Variants in HDAC5 observed in about 807,000 individuals in gnomAD.
The protein encoded by HDAC5 is histone deacetylase 5, also known as antigen NY-CO-9.
In HDAC5, 25 loss-of-function variants were observed where a neutral mutation model predicts 133.3. That is an observed-to-expected ratio of 0.19 (90% CI 0.14 to 0.26). The LOEUF (loss-of-function observed/expected upper bound fraction) is 0.26, where lower values mean the gene tolerates loss of function less well. Ranked by LOEUF, HDAC5 falls within the 10% of genes least tolerant of loss-of-function variation. The pLI is 1.00. For missense variants in HDAC5, 1,041 were observed against 1,460.5 expected, an observed-to-expected ratio of 0.71 and a Z score of 4.68; for synonymous variants, 589 against 610.8, an observed-to-expected ratio of 0.96 and a Z score of 0.53.
chr17:44,114,577 C>T (rs1041037572), intron 2 of HDAC5, among the ~76,000 whole-genome samples: 1 of 152,248 alleles, frequency 6.6e-6, no homozygotes, highest in Non-Finnish European at 1.5e-5. Context: ...TGGCCGCCTC[C>T]TCCATGGCCC....
At position 44,088,615 on chromosome 17, in the gene HDAC5, G is replaced by A. The variant is rs1475114707; in HGVS notation, c.1388-17C>T. ...GGAGTGGCACTACGGAGTTGGGGGT[G>A]ATGACTAAGCACCATTGTCAGGGCA... is the stretch of plus-strand genomic sequence containing the variant. On this transcript the variant is annotated splice_polypyrimidine_tract_variant and intron_variant, in intron 11 of 26. Transcript: ENST00000682912. The A allele has an allele frequency of 6.2e-7, 1 of 1,605,732 alleles. No individual in the cohort carries two copies. The highest frequency in any genetic ancestry group is 8.5e-7 in the Non-Finnish European group (1 of 1,174,480).
intron 12 of HDAC5, among the ~76,000 whole-genome samples, chr17:44,087,978 G>A (rs116959535): frequency 0.011 from 1,680 of 152,210 alleles, 15 homozygotes; most frequent in South Asian, 0.019. Flanking sequence ...CCAGTGACTG[G>A]GGTTACAGGC....
chr17:44,105,914 G>GAGTTTAAATC (rs2051906940), intron 3 of HDAC5, among the ~76,000 whole-genome samples: 2 of 152,222 alleles, frequency 1.3e-5, no homozygotes, highest in South Asian at 4.1e-4. Context: ...CCTGAGACAT[G>GAGTTTAAATC]AGTTTAAATC....
At chr17:44,105,796 C>T (rs578076810) in intron 3 of HDAC5, among the ~76,000 whole-genome samples, 2 of 152,306 alleles carry the variant, frequency 1.3e-5, no homozygotes, top group African/African-American at 4.8e-5. Flanking sequence ...CCCACTAAGG[C>T]CTTCCAGGGA....
chr17:44,102,283 T>C (rs758889472), intron 3 of HDAC5, among the ~76,000 whole-genome samples: 2 of 152,252 alleles, frequency 1.3e-5, no homozygotes, highest in Non-Finnish European at 2.9e-5. Flanking sequence ...GAAGCTTTTA[T>C]GTGGATTAGC....
rs1288191741 is a variant in HDAC5 at position 44,093,308 on chromosome 17, C to A, written c.526+6G>T. On this transcript the variant is annotated splice_donor_region_variant and intron_variant, in intron 5 of 26. Coordinates refer to ENST00000682912, the MANE Select transcript of HDAC5 (RefSeq NM_005474.5). ...CCCTACGAGGTCCCAGGAGGCCCTG[C>A]CTTACTCTCTTTGCTCTTCTCCTTG... The A allele has an allele frequency of 1.9e-6, 3 of 1,588,138 alleles. No homozygotes were observed. Among genetic ancestry groups the A allele is most frequent in the Non-Finnish European group, 2.6e-6 (3 of 1,166,396 alleles).
Position 44,117,505 on chromosome 17 carries a change from G to A in HDAC5, c.11C>T (p.Pro4Leu). 1 of 1,614,050 alleles carries A rather than the reference G, an allele frequency of 6.2e-7. No homozygotes were observed. The highest frequency in any genetic ancestry group is 8.5e-7 in the Non-Finnish European group (1 of 1,180,016). MNS[P>L]NESDGMSGRE... is the part of the protein sequence containing the mutation. ...CTCCCAGCTCTTACCCGACTCGTTG[G>A]GAGAGTTCATGCCGGCTCTGGGCCT... is the stretch of plus-strand genomic sequence containing the variant. The change falls in exon 2 of 27, where the codon CCC becomes CTC. Residue 4 changes from proline (P) to leucine (L), a missense_variant. Pro to Leu is a moderately conservative substitution (Grantham distance 98, BLOSUM62 -3). This residue lies in a region of HDAC5 where 93 missense variants were observed against 98.8 expected (regional missense o/e 0.94). Coordinates refer to ENST00000682912, the MANE Select transcript of HDAC5 (RefSeq NM_005474.5). The surrounding 1 kb of genome is among the most constrained non-coding windows in gnomAD (Gnocchi z 4.2).
chr17:44,112,374 C>T (rs939757958), intron 2 of HDAC5, among the ~76,000 whole-genome samples: 2 of 152,162 alleles, frequency 1.3e-5, no homozygotes, highest in Non-Finnish European at 2.9e-5. Flanking sequence ...TGCCCCTGCT[C>T]CTCAGGTTGT....
intron 11 of HDAC5, 74 bp from the exon 12 acceptor site, chr17:44,088,672 GC>G (rs2143195681): frequency 1.3e-6 from 2 of 1,540,568 alleles, no homozygotes; most frequent in Non-Finnish European, 8.8e-7. Flanking sequence ...CCTGCATCTT[GC>G]CCCCACAACC....
chr17:44,095,947 CA>C (rs1407588765), intron 3 of HDAC5, among the ~76,000 whole-genome samples: 1 of 152,090 alleles, frequency 6.6e-6, no homozygotes, highest in Non-Finnish European at 1.5e-5. Context: ...CCCACATGGA[CA>C]ATGGGCCGAG....
chr17:44,088,447 CA>C lies in HDAC5; in HGVS notation c.1538del (p.Met513SerfsTer44). On this transcript the variant is annotated frameshift_variant, in exon 12 of 27. Coordinates refer to ENST00000682912, the MANE Select transcript of HDAC5 (RefSeq NM_005474.5). LOFTEE classifies it high-confidence loss of function. ...QSPQALQQLVMQQQHQQFLEK... is the reference protein window; with the variant it reads ...QSPQALQQLVXQQQHQQFLEK... Reference sequence around the variant, plus strand: ...CCAGGAACTGCTGGTGCTGTTGTTGCATGACCAGCTGCTGCAGGGCCTGGGG... The same window carrying C: ...CCAGGAACTGCTGGTGCTGTTGTTGCTGACCAGCTGCTGCAGGGCCTGGGG... The C allele has an allele frequency of 2.5e-6, 4 of 1,596,872 alleles. No individual in the cohort carries two copies. Among genetic ancestry groups the C allele is most frequent in the Non-Finnish European group, 3.4e-6 (4 of 1,172,250 alleles).
At chr17:44,092,147 CA>C (rs761513127) in intron 9 of HDAC5, 24 bp downstream of exon 9, 4 of 1,598,942 alleles carry the variant, frequency 2.5e-6, no homozygotes, top group South Asian at 1.1e-5. Context: ...GTCCCCGCCC[CA>C]CCAGCCCCCA....
Position 44,090,740 on chromosome 17 carries a change from A to T in HDAC5, c.1387+530T>A, listed in dbSNP as rs556206168. Among the ~76,000 whole-genome samples the T allele has an allele frequency of 3.5e-5, 5 of 144,036 alleles. No individual in the cohort carries two copies. In the South Asian group the frequency reaches 1.1e-3, roughly 32 times the overall value. 94.5% of individuals were successfully genotyped at this position (144,036 alleles called of 152,430 possible). On this transcript the variant is annotated intron_variant, in intron 11 of 26. Coordinates refer to ENST00000682912, the MANE Select transcript of HDAC5 (RefSeq NM_005474.5). Reference sequence around the variant, plus strand: ...TCTCACGCTCTGTGCCCCAGGCTGGAGTGCAGTGGCACGATCTCGGCTCAC... The same window carrying T: ...TCTCACGCTCTGTGCCCCAGGCTGGTGTGCAGTGGCACGATCTCGGCTCAC...
chr17:44,097,190 G>A (rs540611261), intron 3 of HDAC5, among the ~76,000 whole-genome samples: 1 of 152,368 alleles, frequency 6.6e-6, no homozygotes, highest in Admixed American at 6.5e-5. Flanking sequence ...CGAGGCCAAG[G>A]CCATGCCACC....
At chr17:44,084,871 C>T in intron 15 of HDAC5, 151 bp downstream of exon 15, 1 of 1,260,318 alleles carries the variant, frequency 7.9e-7, no homozygotes, top group Non-Finnish European at 1.1e-6. Context: ...GGAAAACAGG[C>T]TGCAAGGGAT....
In HDAC5 at chr17:44,079,213, C is replaced by T. The variant is rs752861560; in HGVS notation, c.3009G>A (p.Glu1003=). The change falls in exon 24 of 27, where the codon GAG becomes GAA. Residue 1003 remains glutamate, a synonymous_variant. Coordinates refer to ENST00000682912, the MANE Select transcript of HDAC5 (RefSeq NM_005474.5). The stretch of plus-strand genomic sequence containing the variant: ...AGATGGCGGTCAAGTCATGGCCTCC[C>T]TCCAGGGCCAGCACCACCCGGCCCC... ...LAGGRVVLAL[E]GGHDLTAICD... is the part of the protein sequence containing the mutation. The T allele has an allele frequency of 2.9e-5, 47 of 1,613,210 alleles. No homozygotes were observed. The highest frequency in any genetic ancestry group is 3.8e-5 in the Non-Finnish European group (45 of 1,179,350).
Position 44,077,569 on chromosome 17 carries a change from G to A in HDAC5, c.*807C>T, listed in dbSNP as rs574590687. The A allele has an allele frequency of 2.0e-5, 3 of 152,412 alleles. No individual in the cohort carries two copies. Among genetic ancestry groups the A allele is most frequent in the African/African-American group, 7.2e-5 (3 of 41,592 alleles). The allele number at this position is 152,412 out of a possible 1,614,324, so 9.4% of individuals were successfully genotyped here. A position where few individuals can be genotyped will look rare whatever the true frequency, so the allele number is the denominator to read the frequency against. ...AGGGACCACCTTCTCCCCTTGCCCA[G>A]GCTGTGCCAGCAGAGGGGCAGGGAG... On this transcript the variant is annotated 3_prime_UTR_variant, in exon 27 of 27. Transcript: ENST00000682912.
intron 3 of HDAC5, among the ~76,000 whole-genome samples, chr17:44,101,120 C>T (rs902356563): frequency 6.6e-6 from 1 of 150,830 alleles, no homozygotes; most frequent in Non-Finnish European, 1.5e-5. Flanking sequence ...AAAGACCCTG[C>T]TCCAGCCGGG....
intron 1 of HDAC5, among the ~76,000 whole-genome samples, chr17:44,119,615 C>T (rs2052861870): frequency 6.6e-6 from 1 of 152,186 alleles, no homozygotes; most frequent in Non-Finnish European, 1.5e-5. Flanking sequence ...GGCCCCTGGG[C>T]CCTGTCCACC....
Sources: allele counts gnomAD v4.1 joint callset (sites outside exome capture counted in the v4.1 genomes callset), GRCh38; gene constraint gnomAD v4.1.1; regional missense constraint gnomAD v4.1.1; non-coding constraint Gnocchi (gnomAD v3.1); transcripts MANE v1.5; gene names NCBI Gene and HGNC (gene_info 2026-07-23, HGNC 2026-07-21).